Variants in TRIP4 observed in about 807,000 individuals in gnomAD.
TRIP4 encodes activating signal cointegrator 1.
TRIP4 carries 54 observed loss-of-function variants against 81.8 expected under a neutral mutation model. That is an observed-to-expected ratio of 0.66 (90% CI 0.53 to 0.83). The LOEUF (loss-of-function observed/expected upper bound fraction) is 0.83. Ranked by LOEUF, TRIP4 falls within the 40% of genes least tolerant of loss-of-function variation. TRIP4 has a pLI of 0.00. For synonymous variants in TRIP4, 270 were observed against 242.8 expected, an observed-to-expected ratio of 1.11 and a Z score of -1.04; for missense variants, 662 against 683.6, an observed-to-expected ratio of 0.97 and a Z score of 0.35.
chr15:64,422,058 C>G (rs1021849506), intron 9 of TRIP4, among the ~76,000 whole-genome samples: 1 of 151,622 alleles, frequency 6.6e-6, no homozygotes, highest in Admixed American at 6.6e-5. Flanking sequence ...AGAGGCTATA[C>G]CATAGCCTAG....
At position 64,397,593 on chromosome 15, in the gene TRIP4, CT is replaced by C; in HGVS notation, c.406-10del. ...TAATTATTTGATGTTATTTTGATGT[CT>C]TTGTACGATAGGCACAAGAGAACAG... On this transcript the variant is annotated splice_polypyrimidine_tract_variant and intron_variant, in intron 3 of 12. Coordinates refer to ENST00000261884, the MANE Select transcript of TRIP4 (RefSeq NM_016213.5). 1 of 1,608,094 alleles carries C rather than the reference CT, an allele frequency of 6.2e-7. No homozygotes were observed. Among genetic ancestry groups the C allele is most frequent in the Non-Finnish European group, 8.5e-7 (1 of 1,175,188 alleles).
At chr15:64,412,487 A>G (rs1891787476) in intron 7 of TRIP4, among the ~76,000 whole-genome samples, 2 of 151,978 alleles carry the variant, frequency 1.3e-5, no homozygotes, top group African/African-American at 4.8e-5. Context: ...AGTAATTATT[A>G]CATCCCCTCA....
At chr15:64,430,340 G>A (rs145889823) in intron 11 of TRIP4, among the ~76,000 whole-genome samples, 10 of 152,318 alleles carry the variant, frequency 6.6e-5, no homozygotes, top group African/African-American at 2.2e-4. Context: ...GAGCCATCTC[G>A]TTAAAGCTTC....
Position 64,387,878 on chromosome 15 carries a change from G to C in TRIP4, c.15G>C (p.Gly5=). ...GGCTGGGGAAGATGGCGGTGGCTGG[G>C]GCGGTGTCCGGGGAGCCGCTGGTGC... The part of the protein sequence containing the change: MAVA[G]AVSGEPLVHW... The change falls in exon 1 of 13, where the codon GGG becomes GGC. Residue 5 remains glycine, a synonymous_variant. Transcript: ENST00000261884. The C allele has an allele frequency of 1.1e-5, 17 of 1,547,678 alleles. No homozygotes were observed. The highest frequency in any genetic ancestry group is 1.5e-5 in the Non-Finnish European group (17 of 1,146,890).
At chr15:64,442,879 C>T (rs752572212) in intron 11 of TRIP4, among the ~76,000 whole-genome samples, 4 of 150,608 alleles carry the variant, frequency 2.7e-5, no homozygotes, top group Non-Finnish European at 4.4e-5. Flanking sequence ...CCCAGCTACT[C>T]GGGAGGCTGA....
chr15:64,399,287 G>C (rs959478288), intron 4 of TRIP4, among the ~76,000 whole-genome samples: 1 of 151,850 alleles, frequency 6.6e-6, no homozygotes, highest in Non-Finnish European at 1.5e-5. Flanking sequence ...AGAATAAGCT[G>C]ATAGACAATG....
At chr15:64,450,638 T>A (rs988947116) in intron 12 of TRIP4, 1 of 455,696 alleles carries the variant, frequency 2.2e-6, no homozygotes, top group Non-Finnish European at 4.4e-6. Flanking sequence ...GTTCACAGAT[T>A]GTTGGCAAAT....
At chr15:64,394,266 C>A in intron 2 of TRIP4, 151 bp downstream of exon 2, 1 of 665,456 alleles carries the variant, frequency 1.5e-6, no homozygotes, top group Non-Finnish European at 2.3e-6. Context: ...TTCGGTTCTA[C>A]TCAATCCGTA....
At chr15:64,403,045 G>A (rs963244291) in intron 5 of TRIP4, among the ~76,000 whole-genome samples, 15 of 151,662 alleles carry the variant, frequency 9.9e-5, no homozygotes, top group African/African-American at 2.7e-4. Context: ...TATTTTTTTA[G>A]TATAGACGGT....
chr15:64,445,359 G>T, intron 12 of TRIP4: 1 of 215,732 alleles, frequency 4.6e-6, no homozygotes, highest in Non-Finnish European at 9.1e-6. Context: ...GGGCACGGTG[G>T]CTCATGCCTG....
At chr15:64,447,869 GC>G (rs1386926673) in intron 12 of TRIP4, among the ~76,000 whole-genome samples, 1 of 152,062 alleles carries the variant, frequency 6.6e-6, no homozygotes, top group African/African-American at 2.4e-5. Flanking sequence ...GTGCCACCAC[GC>G]CCAGATAATT....
intron 11 of TRIP4, among the ~76,000 whole-genome samples, chr15:64,436,461 G>A (rs1020328727): frequency 2.7e-5 from 4 of 147,598 alleles, no homozygotes; most frequent in African/African-American, 1.0e-4. Flanking sequence ...GCATGGTGGC[G>A]GGCGCCTGTA....
chr15:64,424,920 C>T (rs753422314), intron 10 of TRIP4, among the ~76,000 whole-genome samples: 3 of 152,082 alleles, frequency 2.0e-5, no homozygotes, highest in Middle Eastern at 3.2e-3. Flanking sequence ...GGACCACAGG[C>T]GCATGCCACC....
chr15:64,444,838 G>T, intron 11 of TRIP4, 168 bp from the exon 12 acceptor site: 1 of 413,934 alleles, frequency 2.4e-6, no homozygotes, highest in Non-Finnish European at 4.4e-6. Context: ...ACTAAGGATT[G>T]TAGAAAGGTG....
At chr15:64,420,773 C>T (rs1335877276) in intron 9 of TRIP4, among the ~76,000 whole-genome samples, 3 of 151,842 alleles carry the variant, frequency 2.0e-5, no homozygotes, top group African/African-American at 7.3e-5. Flanking sequence ...ATCTTGTGAT[C>T]TGCCCGCCTC....
At chr15:64,437,658 A>G (rs764335410) in intron 11 of TRIP4, among the ~76,000 whole-genome samples, 11 of 151,740 alleles carry the variant, frequency 7.2e-5, no homozygotes, top group Non-Finnish European at 1.5e-4. Flanking sequence ...ACGTTTAGCT[A>G]ATTTTTTTGT....
chr15:64,442,583 C>A (rs1238291407), intron 11 of TRIP4, among the ~76,000 whole-genome samples: 1 of 149,490 alleles, frequency 6.7e-6, no homozygotes, highest in Non-Finnish European at 1.5e-5. Context: ...CCGCACCTAG[C>A]CAGAGAAAAG....
In TRIP4 at chr15:64,420,336, G is replaced by T. The variant is rs574535818; in HGVS notation, c.1358+1608G>T. The stretch of plus-strand genomic sequence containing the variant: ...AGGTTTCTCCATGTTGGTCAGGCTG[G>T]TCTCAAACTCCCGAACTCAGGTGAT... On this transcript the variant is annotated intron_variant, in intron 9 of 12. Coordinates refer to ENST00000261884, the MANE Select transcript of TRIP4 (RefSeq NM_016213.5). 2.0e-5 allele frequency among the ~76,000 whole-genome samples: 3 copies of T among 151,184 alleles called. No individual in the cohort carries two copies. The South Asian group carries it at 6.3e-4, about 32-fold the overall frequency.
chr15:64,423,420 G>A (rs979185949), intron 9 of TRIP4, among the ~76,000 whole-genome samples: 8 of 127,852 alleles, frequency 6.3e-5, no homozygotes, highest in Admixed American at 1.0e-4. Flanking sequence ...CCGAGGTCGC[G>A]CCACTGCTCT....
Sources: gnomAD v4.1 joint callset for allele counts (sites outside exome capture counted in the v4.1 genomes callset) on GRCh38, gnomAD v4.1.1 for gene constraint, MANE v1.5 for transcripts, NCBI Gene and HGNC (gene_info 2026-07-23, HGNC 2026-07-21) for gene names.